ZFR: variants seen among roughly 807,000 people sequenced by gnomAD.
ZFR encodes zinc finger RNA-binding protein.
In ZFR, 19 loss-of-function variants were observed where a neutral mutation model predicts 130.7. The observed-to-expected ratio is 0.15, with a 90% CI of 0.10 to 0.21. The LOEUF (loss-of-function observed/expected upper bound fraction) is 0.21. Among genes scored for constraint, ZFR ranks in the 10% least tolerant of loss-of-function variants. The probability of loss-of-function intolerance (pLI) is 1.00; values close to 1 mark genes in which losing one functional copy is unlikely to be tolerated. For missense variants in ZFR, 872 were observed against 1,321.5 expected (o/e 0.66, Z 5.27); for synonymous variants, 466 against 456.9 (o/e 1.02, Z -0.25).
intron 9 of ZFR, among the ~76,000 whole-genome samples, chr5:32,398,665 T>C (rs565211866): frequency 1.3e-5 from 2 of 152,282 alleles, no homozygotes; most frequent in East Asian, 1.9e-4. Flanking sequence ...AAGAATTCAA[T>C]ACACAATTTT....
rs774931654 is a variant in ZFR at position 32,388,694 on chromosome 5, C to A, written c.2143-20G>T. The A allele has an allele frequency of 6.4e-7, 1 of 1,558,944 alleles. No homozygotes were observed. The highest frequency in any genetic ancestry group is 8.7e-7 in the Non-Finnish European group (1 of 1,153,146). ...TAAGGGCTACAGAGAAACAAAGTTG[C>A]TCAATTTAAAAAAAAGTTTCCTGAG... On this transcript the variant is annotated intron_variant, in intron 12 of 19. Transcript: ENST00000265069.
In ZFR at chr5:32,415,194, T is replaced by C. The variant is rs1183539450; in HGVS notation, c.566-7A>G. The C allele has an allele frequency of 1.9e-6, 3 of 1,612,886 alleles. No homozygotes were observed. Among genetic ancestry groups the C allele is most frequent in the African/African-American group, 1.3e-5 (1 of 74,854 alleles). ...CTGTAACCTGCTTTGGGGGCTGAAG[T>C]AGGAAAGAGACATCAGAAAATTAGA... On this transcript the variant is annotated splice_region_variant and splice_polypyrimidine_tract_variant and intron_variant, in intron 4 of 19. Coordinates refer to ENST00000265069, the MANE Select transcript of ZFR (RefSeq NM_016107.5).
intron 2 of ZFR, among the ~76,000 whole-genome samples, chr5:32,441,895 C>T (rs1561934307): frequency 1.3e-5 from 2 of 151,998 alleles, no homozygotes; most frequent in Admixed American, 1.3e-4. Flanking sequence ...CAGATGTACA[C>T]TTAATCAATT....
intron 2 of ZFR, 102 bp downstream of exon 2, chr5:32,444,127 G>C: frequency 1.5e-6 from 2 of 1,335,970 alleles, no homozygotes; most frequent in Non-Finnish European, 2.0e-6. Context: ...AGCGGGCCGG[G>C]GCTCTGGGAT....
intron 4 of ZFR, among the ~76,000 whole-genome samples, chr5:32,416,226 T>C (rs1753823071): frequency 6.6e-6 from 1 of 152,212 alleles, no homozygotes; most frequent in African/African-American, 2.4e-5. Flanking sequence ...TAAATCAAGA[T>C]CTTCTCTTAG....
At chr5:32,442,619 G>T (rs1353484687) in intron 2 of ZFR, among the ~76,000 whole-genome samples, 1 of 152,282 alleles carries the variant, frequency 6.6e-6, no homozygotes, top group South Asian at 2.1e-4. Context: ...AATGCCACAT[G>T]GCATTCAACA....
chr5:32,385,716 A>G, intron 14 of ZFR, 67 bp from the exon 15 acceptor site: 1 of 1,568,476 alleles, frequency 6.4e-7, no homozygotes. Flanking sequence ...CACTTTCATT[A>G]TGGCTCTTTC....
chr5:32,439,804 T>TAAAAAAAAAAAAAAAAA (rs11446399), intron 2 of ZFR, among the ~76,000 whole-genome samples: 1 of 72,460 alleles, frequency 1.4e-5, no homozygotes, highest in Admixed American at 2.1e-4. Context: ...ACCATGTCTT[T>TAAAAAAAAAAAAAAAAA]AAAAAAAAAA....
chr5:32,406,262 T>C (rs1354873300), intron 6 of ZFR, among the ~76,000 whole-genome samples: 3 of 152,194 alleles, frequency 2.0e-5, no homozygotes, highest in Non-Finnish European at 2.9e-5. Context: ...TCTTTACACC[T>C]TCCTTGTTCC....
In ZFR at chr5:32,355,902, T is replaced by C. The variant is rs1388920064; in HGVS notation, c.3083A>G (p.Lys1028Arg). 3.1e-6 allele frequency: 5 copies of C among 1,601,428 alleles called. No individual in the cohort carries two copies. Among genetic ancestry groups the C allele is most frequent in the South Asian group, 2.3e-5 (2 of 88,390 alleles). Reference protein sequence around the residue: ...LRLLAFRQIHKVLGMDPLPQM... With the variant: ...LRLLAFRQIHRVLGMDPLPQM... ...CGGTAATGGATCCATGCCTAGAACT[T>C]TGTGTATCTGGCGGAATGCAAGGAG... Residue 1028 changes from lysine (K) to arginine (R), a missense_variant, in exon 20 of 20, where the codon AAA (lysine) becomes AGA (arginine). By Grantham distance (26) the Lys-to-Arg change is conservative (BLOSUM62 2). Transcript: ENST00000265069.
intron 2 of ZFR, among the ~76,000 whole-genome samples, chr5:32,443,469 AAACTC>A: frequency 6.6e-6 from 1 of 152,372 alleles, no homozygotes; most frequent in East Asian, 1.9e-4. Flanking sequence ...CCTGGGGCCT[AAACTC>A]CATAGCTCAA....
At chr5:32,391,263 C>G (rs771365484) in intron 11 of ZFR, among the ~76,000 whole-genome samples, 3 of 152,184 alleles carry the variant, frequency 2.0e-5, no homozygotes, top group Non-Finnish European at 4.4e-5. Flanking sequence ...AGATGGAAAA[C>G]ATATAGCATA....
chr5:32,426,242 A>C (rs371638656), intron 2 of ZFR, among the ~76,000 whole-genome samples: 2 of 152,306 alleles, frequency 1.3e-5, no homozygotes, highest in African/African-American at 4.8e-5. Flanking sequence ...TCTACTCTCT[A>C]CAACATTTGT....
At chr5:32,386,642 T>TA (rs746802042) in intron 14 of ZFR, among the ~76,000 whole-genome samples, 50 of 150,546 alleles carry the variant, frequency 3.3e-4, no homozygotes, top group African/African-American at 7.8e-4. Context: ...TCCCGATAAT[T>TA]AAAAAAAAAG....
intron 2 of ZFR, among the ~76,000 whole-genome samples, chr5:32,436,097 C>T (rs183821082): frequency 2.2e-3 from 306 of 140,904 alleles, no homozygotes; most frequent in African/African-American, 7.9e-3. Flanking sequence ...GTATTTCTTT[C>T]TTTCCCTGGT....
At chr5:32,438,155 TAATAG>T (rs1157587343) in intron 2 of ZFR, among the ~76,000 whole-genome samples, 1 of 152,086 alleles carries the variant, frequency 6.6e-6, no homozygotes, top group African/African-American at 2.4e-5. Context: ...CCTGCTTACT[TAATAG>T]ATTTGGTGGC....
chr5:32,440,049 T>A (rs1298891921), intron 2 of ZFR, among the ~76,000 whole-genome samples: 3 of 152,222 alleles, frequency 2.0e-5, no homozygotes, highest in African/African-American at 7.2e-5. Flanking sequence ...AGAATTACCT[T>A]TCCTCATATT....
At chr5:32,429,838 G>A (rs1215021704) in intron 2 of ZFR, among the ~76,000 whole-genome samples, 1 of 152,108 alleles carries the variant, frequency 6.6e-6, no homozygotes, top group Non-Finnish European at 1.5e-5. Flanking sequence ...GGAGGTCAAA[G>A]GGGGAGAATC....
At chr5:32,382,625 T>C (rs541358323) in intron 15 of ZFR, among the ~76,000 whole-genome samples, 1 of 152,258 alleles carries the variant, frequency 6.6e-6, no homozygotes, top group African/African-American at 2.4e-5. Flanking sequence ...TTTTTTTTCT[T>C]TGAGATGGAG....
Sources: allele counts gnomAD v4.1 joint callset (sites outside exome capture counted in the v4.1 genomes callset), GRCh38; gene constraint gnomAD v4.1.1; transcripts MANE v1.5; gene names NCBI Gene and HGNC (gene_info 2026-07-23, HGNC 2026-07-21).